Variants in TEAD2 observed in about 807,000 individuals in gnomAD.
The protein encoded by TEAD2 is transcriptional enhancer factor TEF-4.
Under a neutral mutation model 61.4 loss-of-function variants are expected in TEAD2, and 51 were observed. The ratio of observed to expected loss-of-function variants is 0.83; its 90% CI spans 0.66 to 1.05. The LOEUF (loss-of-function observed/expected upper bound fraction) is 1.05, where lower values mean the gene tolerates loss of function less well. TEAD2 is among the 50% of genes least tolerant of loss of function. The pLI is 0.00. For synonymous variants in TEAD2, 244 were observed against 243.2 expected, an observed-to-expected ratio of 1.00 and a Z score of -0.03; for missense variants, 509 against 600.0, an observed-to-expected ratio of 0.85 and a Z score of 1.58.
rs1284385892 is a variant in TEAD2 at position 49,347,183 on chromosome 19, AACTC to A, written c.921+3_921+6del. On this transcript the variant is annotated splice_donor_5th_base_variant and intron_variant, in intron 10 of 12. Transcript: ENST00000593945. ...TGAGCACTTTTGATTTTGCTGTGAG[AACTC>A]ACCCAGAACTTGACCAGGAAGAAGG... The A allele has an allele frequency of 6.2e-7, 1 of 1,612,254 alleles. No homozygotes were observed. Among genetic ancestry groups the A allele is most frequent in the African/African-American group, 1.3e-5 (1 of 74,920 alleles).
rs73590111 is a variant in TEAD2, at chr19:49,351,288, C to T, written c.604+13G>A. ...AGAGGGGAGACAAGGGAGGGTGGAG[C>T]GCAGGCTCTTACCTGGGAGGTCAGT... On this transcript the variant is annotated intron_variant, in intron 8 of 12. Coordinates refer to ENST00000593945, the MANE Select transcript of TEAD2 (RefSeq NM_001256660.2). 7,077 of 1,608,862 alleles carry T rather than the reference C, an allele frequency of 4.4e-3. 276 individuals are homozygous for T. In the African/African-American group the frequency reaches 0.082, roughly 19 times the overall value.
intron 10 of TEAD2, among the ~76,000 whole-genome samples, chr19:49,346,761 G>C (rs2146356319): frequency 6.6e-6 from 1 of 152,326 alleles, no homozygotes; most frequent in Middle Eastern, 3.4e-3. Flanking sequence ...AACAAGGTCT[G>C]GTGAAACTGA....
intron 10 of TEAD2, among the ~76,000 whole-genome samples, chr19:49,344,430 G>A (rs996068589): frequency 6.6e-6 from 1 of 152,056 alleles, no homozygotes. Flanking sequence ...ACAGGCGCAC[G>A]CCACCATGTC....
rs1568585767 is a variant in TEAD2, at chr19:49,361,207, G to GACAGAGACCCAGAGAGAGAGAGGA, written c.-7+1125_-7+1126insTCCTCTCTCTCTCTGGGTCTCTGT. Among the ~76,000 whole-genome samples the GACAGAGACCCAGAGAGAGAGAGGA allele has an allele frequency of 4.3e-4, 43 of 100,194 alleles. 1 individual carries two copies. Among genetic ancestry groups the GACAGAGACCCAGAGAGAGAGAGGA allele is most frequent in the Admixed American group, 1.1e-3 (11 of 10,176 alleles). The allele number at this position is 100,194 out of a possible 152,430, so 65.7% of individuals were successfully genotyped here. ...AGGGGTCCAGAGGCCCAGAGAGGGA[G>GACAGAGACCCAGAGAGAGAGAGGA]ACAGAGACCCAGAGAGAGAGGGTGA... On this transcript the variant is annotated intron_variant, in intron 1 of 12. Coordinates refer to ENST00000593945, the MANE Select transcript of TEAD2 (RefSeq NM_001256660.2).
Position 49,340,636 on chromosome 19 carries a change from A to C in TEAD2, c.*688T>G. On this transcript the variant is annotated 3_prime_UTR_variant, in exon 13 of 13. Transcript: ENST00000593945. Reference sequence around the variant, plus strand: ...TTTATCCTCTGTCAGAACACAAACAAACAAACTTTGAGAGGGGAGGAAGGA... The same window carrying C: ...TTTATCCTCTGTCAGAACACAAACACACAAACTTTGAGAGGGGAGGAAGGA... 5.8e-6 allele frequency: 3 copies of C among 518,004 alleles called. No homozygotes were observed. Among genetic ancestry groups the C allele is most frequent in the Non-Finnish European group, 3.5e-6 (1 of 285,436 alleles). The allele number at this position is 518,004 out of a possible 1,614,324, so 32.1% of individuals were successfully genotyped here.
Position 49,355,194 on chromosome 19 carries a change from A to G in TEAD2, c.493T>C (p.Phe165Leu). 6.2e-7 allele frequency: 1 copy of G among 1,613,116 alleles called. No homozygotes were observed. Among genetic ancestry groups the G allele is most frequent in the Non-Finnish European group, 8.5e-7 (1 of 1,179,490 alleles). ...CCAGATCCTCCAGACCAAAACTGGAAAAGCTCAGAGGCCTGGATAGGACAC... is the reference window on the plus strand; with the variant it reads ...CCAGATCCTCCAGACCAAAACTGGAGAAGCTCAGAGGCCTGGATAGGACAC... ...GPTGPQASEL[F>L]QFWSGGSGPP... Residue 165 changes from phenylalanine (F) to leucine (L), a missense_variant, in exon 7 of 13, where the codon TTC (phenylalanine) becomes CTC (leucine). Phe to Leu is a conservative substitution (Grantham distance 22). Transcript: ENST00000593945.
At position 49,347,371 on chromosome 19, in the gene TEAD2, G is replaced by A. The variant is rs1334350385; in HGVS notation, c.748-8C>T. 8 of 1,602,848 alleles carry A rather than the reference G, an allele frequency of 5.0e-6. No homozygotes were observed. Among genetic ancestry groups the A allele is most frequent in the Non-Finnish European group, 6.8e-6 (8 of 1,176,636 alleles). On this transcript the variant is annotated splice_region_variant and splice_polypyrimidine_tract_variant and intron_variant, in intron 9 of 12. Coordinates refer to ENST00000593945, the MANE Select transcript of TEAD2 (RefSeq NM_001256660.2). ...GAACAGGTGCCTCTGGTACTGAGGA[G>A]GGTTGGCCGTGGGTGAGAAGTCGGA...
chr19:49,344,294 T>C (rs1188039359), intron 10 of TEAD2, among the ~76,000 whole-genome samples: 1 of 151,934 alleles, frequency 6.6e-6, no homozygotes, highest in Admixed American at 6.6e-5. Context: ...TCTTTTCTTT[T>C]TTTTTTTTCT....
Position 49,359,407 on chromosome 19 carries a change from A to G in TEAD2, c.297+28T>C. On this transcript the variant is annotated intron_variant, in intron 3 of 12. Transcript: ENST00000593945. This position sits in a 1 kb window ranked among gnomAD's most constrained non-coding sequence, Gnocchi z 4.1. Reference sequence around the variant, plus strand: ...CCCTAAGAAGACCGGCCCATCCCAGACAGAAGCCCACAAGTCCATTCCGAG... The same window carrying G: ...CCCTAAGAAGACCGGCCCATCCCAGGCAGAAGCCCACAAGTCCATTCCGAG... 3 of 1,613,104 alleles carry G rather than the reference A, an allele frequency of 1.9e-6. No homozygotes were observed. Among genetic ancestry groups the G allele is most frequent in the South Asian group, 1.1e-5 (1 of 91,002 alleles).
intron 1 of TEAD2, among the ~76,000 whole-genome samples, chr19:49,360,765 A>G: frequency 4.7e-5 from 4 of 84,598 alleles, no homozygotes; most frequent in Non-Finnish European, 6.9e-5. Context: ...AGGGGGACAG[A>G]GACCCAGAGA....
chr19:49,351,302 T>C lies in TEAD2; in HGVS notation c.603A>G (p.Pro201=). ...GGAGGGTGGAGCGCAGGCTCTTACC[T>C]GGGAGGTCAGTAGATGGGGGAGTCA... ...LSLTPPSTDL[P]GYEPPQALSP... Residue 201 remains proline (P), a splice_region_variant and synonymous_variant, in exon 8 of 13, where the codon CCA becomes CCG. Transcript: ENST00000593945. 1 of 1,611,302 alleles carries C rather than the reference T, an allele frequency of 6.2e-7. No homozygotes were observed. The highest frequency in any genetic ancestry group is 8.5e-7 in the Non-Finnish European group (1 of 1,179,044).
chr19:49,356,990 ATGGGTCTCTGTCCCTCTCTCTC>A lies in TEAD2; in HGVS notation c.360+240_360+261del, dbSNP rs1271227020. On this transcript the variant is annotated intron_variant, in intron 4 of 12. Transcript: ENST00000593945. Reference sequence around the variant, plus strand: ...TCTGGGTCTCTGTCCCCCTCTGTCTATGGGTCTCTGTCCCTCTCTCTCTGGGTCTCTGTCCTCCTCTCTTTCT... The same window carrying A: ...TCTGGGTCTCTGTCCCCCTCTGTCTATGGGTCTCTGTCCTCCTCTCTTTCT... Among the ~76,000 whole-genome samples, 8 of 132,860 alleles carry A rather than the reference ATGGGTCTCTGTCCCTCTCTCTC, an allele frequency of 6.0e-5. No homozygotes were observed. In the East Asian group the frequency reaches 1.6e-3, roughly 26 times the overall value. The allele number at this position is 132,860 out of a possible 152,430, so 87.2% of individuals were successfully genotyped here.
chr19:49,362,138 C>T (rs1972995156), intron 1 of TEAD2, among the ~76,000 whole-genome samples, 195 bp downstream of exon 1: 1 of 152,198 alleles, frequency 6.6e-6, no homozygotes, highest in Non-Finnish European at 1.5e-5. Flanking sequence ...GCACCCGCTC[C>T]TGCGCGCACG....
At chr19:49,349,234 C>G (rs1217816121) in intron 8 of TEAD2, among the ~76,000 whole-genome samples, 1 of 152,198 alleles carries the variant, frequency 6.6e-6, no homozygotes, top group Admixed American at 6.5e-5. Flanking sequence ...GAGGCCAACG[C>G]AGGTGGATCA....
rs115918118 is a variant in TEAD2 at position 49,347,967 on chromosome 19, A to G, written c.748-604T>C. On this transcript the variant is annotated intron_variant, in intron 9 of 12. Coordinates refer to ENST00000593945, the MANE Select transcript of TEAD2 (RefSeq NM_001256660.2). Reference sequence around the variant, plus strand: ...CCAGGCCGCTTTGCAGTTAGGTGTGACCACATGACTAAGTTCTGGCCAATG... The same window carrying G: ...CCAGGCCGCTTTGCAGTTAGGTGTGGCCACATGACTAAGTTCTGGCCAATG... Among the ~76,000 whole-genome samples, 980 of 152,272 alleles carry G rather than the reference A, an allele frequency of 6.4e-3. 15 individuals carry two copies. Among genetic ancestry groups the G allele is most frequent in the African/African-American group, 0.023 (943 of 41,554 alleles).
At chr19:49,351,657 T>A (rs1409486615) in intron 7 of TEAD2, among the ~76,000 whole-genome samples, 3 of 152,068 alleles carry the variant, frequency 2.0e-5, no homozygotes, top group Non-Finnish European at 4.4e-5. Flanking sequence ...CTCTTGATGA[T>A]GACATTTTGG....
At chr19:49,343,207 A>G (rs117077637) in intron 11 of TEAD2, 24 bp downstream of exon 11, 29,221 of 1,591,962 alleles carry the variant, frequency 0.018, 332 homozygotes, top group Non-Finnish European at 0.021. Context: ...GTGCTGACCC[A>G]GAGCTCCACC....
At position 49,359,999 on chromosome 19, in the gene TEAD2, C is replaced by T. The variant is rs1355570296; in HGVS notation, c.77G>A (p.Gly26Asp). ...WTGSEEGSEE[G>D]TGGSEGAGGD... is the part of the protein sequence containing the mutation. The stretch of plus-strand genomic sequence containing the variant: ...CCCAGCCCCCTCACTGCCGCCGGTA[C>T]CCTCCTCACTGCCTTCCTCACTGCC... Residue 26 changes from glycine to aspartate, a missense_variant, in exon 2 of 13, where the codon GGT (glycine) becomes GAT (aspartate). Physicochemically the swap from Gly to Asp is moderately conservative, Grantham distance 94. Transcript: ENST00000593945. The surrounding 1 kb of genome is among the most constrained non-coding windows in gnomAD (Gnocchi z 4.1). 6.2e-7 allele frequency: 1 copy of T among 1,609,538 alleles called. No homozygotes were observed. Among genetic ancestry groups the T allele is most frequent in the Non-Finnish European group, 8.5e-7 (1 of 1,179,888 alleles).
chr19:49,351,349 G>T lies in TEAD2; in HGVS notation c.556C>A (p.Gln186Lys). The change falls in exon 8 of 13, where the codon CAG becomes AAG. Residue 186 changes from glutamine to lysine, a missense_variant. By Grantham distance (53) the Gln-to-Lys change is moderately conservative. Coordinates refer to ENST00000593945, the MANE Select transcript of TEAD2 (RefSeq NM_001256660.2). ...WNVPDVKPFS[Q>K]TPFTLSLTPP... Reference sequence around the variant, plus strand: ...GTCAGTGACAAGGTGAACGGTGTCTGTGAGAATGGCTTCACACTGAGGGAA... The same window carrying T: ...GTCAGTGACAAGGTGAACGGTGTCTTTGAGAATGGCTTCACACTGAGGGAA... 6.2e-7 allele frequency: 1 copy of T among 1,612,236 alleles called. No homozygotes were observed. Among genetic ancestry groups the T allele is most frequent in the Non-Finnish European group, 8.5e-7 (1 of 1,179,404 alleles).
Sources: gnomAD v4.1 joint callset for allele counts (sites outside exome capture counted in the v4.1 genomes callset) on GRCh38, gnomAD v4.1.1 for gene constraint, Gnocchi (gnomAD v3.1) non-coding constraint, MANE v1.5 for transcripts, NCBI Gene and HGNC (gene_info 2026-07-23, HGNC 2026-07-21) for gene names.